GHR: variants seen among roughly 807,000 people sequenced by gnomAD.
GHR encodes GH receptor.
In GHR, 35 loss-of-function variants were observed where a neutral mutation model predicts 67.1. The ratio of observed to expected loss-of-function variants is 0.52; its 90% CI spans 0.40 to 0.69. The LOEUF (loss-of-function observed/expected upper bound fraction) is 0.69, where lower values mean the gene tolerates loss of function less well. GHR is among the 30% of genes least tolerant of loss of function. GHR has a pLI of 0.00. For synonymous variants in GHR, 272 were observed against 269.1 expected, an observed-to-expected ratio of 1.01 and a Z score of -0.10; for missense variants, 792 against 764.6, an observed-to-expected ratio of 1.04 and a Z score of -0.42.
chr5:42,627,065 A>C (rs1458899023), intron 2 of GHR, among the ~76,000 whole-genome samples: 2 of 152,072 alleles, frequency 1.3e-5, no homozygotes, highest in Non-Finnish European at 2.9e-5. Context: ...TCAAATTACG[A>C]CTGTGTTTAT....
intron 1 of GHR, among the ~76,000 whole-genome samples, chr5:42,523,278 G>T (rs773007511): frequency 6.6e-6 from 1 of 152,072 alleles, no homozygotes; most frequent in Non-Finnish European, 1.5e-5. Flanking sequence ...GTCGTATACA[G>T]GTATACATCA....
intron 3 of GHR, among the ~76,000 whole-genome samples, chr5:42,686,962 T>G (rs1025155990): frequency 3.9e-5 from 6 of 152,194 alleles, no homozygotes; most frequent in African/African-American, 1.4e-4. Context: ...CTTAAGCTGA[T>G]AAGCAACTTC....
intron 1 of GHR, among the ~76,000 whole-genome samples, chr5:42,438,318 T>C (rs1446569292): frequency 6.6e-6 from 1 of 152,180 alleles, no homozygotes; most frequent in African/African-American, 2.4e-5. Flanking sequence ...ATCTTCCTAA[T>C]TGCAAATGTG....
chr5:42,545,731 G>T (rs1432141123), intron 1 of GHR, among the ~76,000 whole-genome samples: 2 of 152,136 alleles, frequency 1.3e-5, no homozygotes, highest in Admixed American at 6.5e-5. Flanking sequence ...GGGGGGTTGG[G>T]TACAAAAACC....
chr5:42,595,900 T>G (rs1428315055), intron 2 of GHR, among the ~76,000 whole-genome samples: 1 of 152,192 alleles, frequency 6.6e-6, no homozygotes, highest in Non-Finnish European at 1.5e-5. Context: ...TGCCTTAATA[T>G]CTTTTCATTT....
chr5:42,497,478 T>C (rs1746368221), intron 1 of GHR, among the ~76,000 whole-genome samples: 1 of 152,212 alleles, frequency 6.6e-6, no homozygotes, highest in Non-Finnish European at 1.5e-5. Context: ...TGTTCAGTTT[T>C]GCATAGTTTC....
intron 3 of GHR, among the ~76,000 whole-genome samples, chr5:42,634,020 G>A (rs1754049621): frequency 6.6e-6 from 1 of 152,070 alleles, no homozygotes; most frequent in Non-Finnish European, 1.5e-5. Flanking sequence ...GAGAGAGAGC[G>A]TAGCACCGCA....
At chr5:42,625,229 A>T (rs1753641180) in intron 2 of GHR, among the ~76,000 whole-genome samples, 1 of 152,138 alleles carries the variant, frequency 6.6e-6, no homozygotes. Flanking sequence ...TGTCCAGCAC[A>T]TCTTTATTTT....
At chr5:42,575,013 T>C (rs1750571705) in intron 2 of GHR, among the ~76,000 whole-genome samples, 1 of 151,388 alleles carries the variant, frequency 6.6e-6, no homozygotes, top group Non-Finnish European at 1.5e-5. Flanking sequence ...AGAAGCTTAC[T>C]ATGATCTGCC....
intron 1 of GHR, among the ~76,000 whole-genome samples, chr5:42,490,890 A>G (rs948736780): frequency 6.6e-6 from 1 of 152,238 alleles, no homozygotes; most frequent in African/African-American, 2.4e-5. Flanking sequence ...GAAGGTTTTA[A>G]TATTTAACTA....
rs139672413 is a variant in GHR at position 42,472,155 on chromosome 5, G to T, written c.-12+48200G>T. ...AACTATGCAGCAGGTCAGTGGGGGG[G>T]TGATTATCATAAAATTCCATCCCTT... On this transcript the variant is annotated intron_variant, in intron 1 of 9. Transcript: ENST00000230882. Among the ~76,000 whole-genome samples, 15 of 152,286 alleles carry T rather than the reference G, an allele frequency of 9.8e-5. No homozygotes were observed. In the East Asian group the frequency reaches 2.7e-3, roughly 27 times the overall value.
chr5:42,477,073 C>T (rs1745366845), intron 1 of GHR, among the ~76,000 whole-genome samples: 1 of 143,040 alleles, frequency 7.0e-6, no homozygotes, highest in South Asian at 2.3e-4. Flanking sequence ...TGATGTTCCC[C>T]TTCCTGTGTC....
At chr5:42,604,323 G>A (rs746683615) in intron 2 of GHR, among the ~76,000 whole-genome samples, 1 of 152,216 alleles carries the variant, frequency 6.6e-6, no homozygotes, top group Non-Finnish European at 1.5e-5. Context: ...GTATTAGCTA[G>A]TGCTAACAGA....
At chr5:42,425,553 T>C (rs1742816083) in intron 1 of GHR, among the ~76,000 whole-genome samples, 1 of 152,204 alleles carries the variant, frequency 6.6e-6, no homozygotes, top group Non-Finnish European at 1.5e-5. Flanking sequence ...TTGATTCTAT[T>C]TATTCAGTGA....
chr5:42,600,288 A>C (rs1332234220), intron 2 of GHR, among the ~76,000 whole-genome samples: 1 of 152,234 alleles, frequency 6.6e-6, no homozygotes, highest in Admixed American at 6.5e-5. Flanking sequence ...CACTAGGATC[A>C]ATATCTGTAA....
chr5:42,675,032 A>C (rs76331113), intron 3 of GHR, among the ~76,000 whole-genome samples: 2,645 of 152,262 alleles, frequency 0.017, 135 homozygotes, highest in South Asian at 0.15. Context: ...TAATTATTTA[A>C]TTTAATTATC....
intron 1 of GHR, among the ~76,000 whole-genome samples, chr5:42,471,786 A>T (rs1041236030): frequency 2.0e-5 from 3 of 152,254 alleles, no homozygotes; most frequent in African/African-American, 7.2e-5. Context: ...TAGGCAGCTT[A>T]GGAGTTTTTC....
chr5:42,480,510 G>T (rs573469729), intron 1 of GHR, among the ~76,000 whole-genome samples: 49 of 152,136 alleles, frequency 3.2e-4, no homozygotes, highest in Non-Finnish European at 6.5e-4. Flanking sequence ...CATTATTATT[G>T]TGTGGGAGTC....
intron 1 of GHR, among the ~76,000 whole-genome samples, chr5:42,541,284 G>A (rs1013037223): frequency 1.3e-5 from 2 of 152,286 alleles, no homozygotes; most frequent in Non-Finnish European, 2.9e-5. Flanking sequence ...TAGGTTGTCA[G>A]GCAAGAGCTT....
Sources: allele counts gnomAD v4.1 joint callset (sites outside exome capture counted in the v4.1 genomes callset), GRCh38; gene constraint gnomAD v4.1.1; transcripts MANE v1.5; gene names NCBI Gene and HGNC (gene_info 2026-07-23, HGNC 2026-07-21).